Variants in AXDND1 observed in about 807,000 individuals in gnomAD.
The protein encoded by AXDND1 is axonemal dynein light chain domain-containing protein 1.
AXDND1 carries 110 observed loss-of-function variants against 137.5 expected under a neutral mutation model. The observed-to-expected ratio is 0.80, with a 90% CI of 0.69 to 0.94. The LOEUF is 0.94. Among genes scored for constraint, AXDND1 ranks in the 40% least tolerant of loss-of-function variants. AXDND1 has a pLI of 0.00. For missense variants in AXDND1, 1,191 were observed against 1,169.8 expected, an observed-to-expected ratio of 1.02 and a Z score of -0.26; for synonymous variants, 414 against 399.7, an observed-to-expected ratio of 1.04 and a Z score of -0.43.
At chr1:179,428,303 C>T (rs1656873431) in intron 12 of AXDND1, among the ~76,000 whole-genome samples, 1 of 152,186 alleles carries the variant, frequency 6.6e-6, no homozygotes, top group African/African-American at 2.4e-5. Flanking sequence ...AGAGCTGGCC[C>T]CTGGTAGAGG....
rs532736331 is a variant in AXDND1 at position 179,438,640 on chromosome 1, A to G, written c.1563+6298A>G. Among the ~76,000 whole-genome samples the G allele has an allele frequency of 7.9e-5, 12 of 152,366 alleles. No individual in the cohort carries two copies. In the East Asian group the frequency reaches 2.1e-3, roughly 27 times the overall value. ...AGGTGTGGCAGCCCAAGGCTCAGAC[A>G]GATTAACAGGAATCCGTAGCCCAGG... On this transcript the variant is annotated intron_variant, in intron 15 of 25. Coordinates refer to ENST00000367618, the MANE Select transcript of AXDND1 (RefSeq NM_144696.6).
intron 16 of AXDND1, among the ~76,000 whole-genome samples, chr1:179,462,908 G>A (rs6658930): frequency 0.063 from 9,566 of 152,086 alleles, 355 homozygotes; most frequent in African/African-American, 0.071. Flanking sequence ...GTTTATTTGC[G>A]TAGAGGTGTT....
intron 17 of AXDND1, among the ~76,000 whole-genome samples, chr1:179,480,741 A>G (rs369107384): frequency 6.6e-6 from 1 of 151,816 alleles, no homozygotes; most frequent in Non-Finnish European, 1.5e-5. Context: ...TCTTCCTTGT[A>G]TTAAGACTCT....
chr1:179,388,728 C>G (rs1367474454), intron 9 of AXDND1, among the ~76,000 whole-genome samples: 3 of 151,194 alleles, frequency 2.0e-5, no homozygotes, highest in Admixed American at 1.3e-4. Context: ...GCTGGGACTA[C>G]AGGCACACAC....
chr1:179,503,936 A>G (rs527481282), intron 20 of AXDND1, among the ~76,000 whole-genome samples: 1 of 152,348 alleles, frequency 6.6e-6, no homozygotes, highest in African/African-American at 2.4e-5. Flanking sequence ...TTTATTTCAC[A>G]TAGCTACTAA....
chr1:179,406,819 A>G (rs1231999572), intron 11 of AXDND1, among the ~76,000 whole-genome samples: 1 of 152,164 alleles, frequency 6.6e-6, no homozygotes, highest in Non-Finnish European at 1.5e-5. Flanking sequence ...GCCAATCTAT[A>G]TCTTTTACAT....
At chr1:179,554,460 T>G in intron 25 of AXDND1, 52 bp from the exon 26 acceptor site, 1 of 1,614,104 alleles carries the variant, frequency 6.2e-7, no homozygotes, top group East Asian at 2.2e-5. Flanking sequence ...TTCTTGCTAG[T>G]TAATTTCCTA....
At chr1:179,400,953 A>G (rs918351484) in intron 11 of AXDND1, among the ~76,000 whole-genome samples, 4 of 149,958 alleles carry the variant, frequency 2.7e-5, no homozygotes, top group African/African-American at 9.8e-5. Flanking sequence ...ACAGAAACAA[A>G]CAAATGATAA....
chr1:179,466,072 G>A (rs551229988), intron 16 of AXDND1, among the ~76,000 whole-genome samples: 1 of 152,178 alleles, frequency 6.6e-6, no homozygotes, highest in South Asian at 2.1e-4. Flanking sequence ...GCACTTCCCG[G>A]GTGAGGCAAT....
intron 15 of AXDND1, among the ~76,000 whole-genome samples, chr1:179,437,066 AC>A (rs1658263879): frequency 7.7e-6 from 1 of 129,542 alleles, no homozygotes; most frequent in Non-Finnish European, 1.6e-5. Flanking sequence ...AGAGACACTC[AC>A]TGAAAAAAAA....
chr1:179,386,552 A>C (rs1413600599), intron 9 of AXDND1, among the ~76,000 whole-genome samples: 1 of 152,070 alleles, frequency 6.6e-6, no homozygotes. Context: ...TTGTTTACAC[A>C]TGTATTAGGC....
At chr1:179,388,573 C>T (rs1649581582) in intron 9 of AXDND1, among the ~76,000 whole-genome samples, 1 of 150,488 alleles carries the variant, frequency 6.6e-6, no homozygotes, top group Non-Finnish European at 1.5e-5. Context: ...ATTAACTCAA[C>T]AATTATATTT....
intron 14 of AXDND1, among the ~76,000 whole-genome samples, 163 bp downstream of exon 14, chr1:179,430,769 C>T (rs11581470): frequency 0.33 from 50,305 of 152,088 alleles, 8,765 homozygotes; most frequent in Middle Eastern, 0.43. Flanking sequence ...CTTGAATAGT[C>T]CTGTGGTTTC....
At chr1:179,365,745 C>T (rs1220819028), upstream of AXDND1, 3 of 152,446 alleles carry the variant, frequency 2.0e-5, no homozygotes, top group African/African-American at 4.8e-5. Context: ...GGCAGGAAGC[C>T]CCGGCGTGAG....
chr1:179,421,792 C>A (rs1469513604), intron 12 of AXDND1, among the ~76,000 whole-genome samples: 1 of 151,670 alleles, frequency 6.6e-6, no homozygotes, highest in East Asian at 1.9e-4. Context: ...TATCGTAGCA[C>A]TTTGGGAGGT....
At chr1:179,380,992 T>C (rs1648173185) in intron 6 of AXDND1, among the ~76,000 whole-genome samples, 1 of 151,834 alleles carries the variant, frequency 6.6e-6, no homozygotes, top group Non-Finnish European at 1.5e-5. Flanking sequence ...TACTTTAGTG[T>C]GTATTTCCTA....
chr1:179,500,086 C>T (rs1281051266), intron 20 of AXDND1, among the ~76,000 whole-genome samples: 1 of 151,840 alleles, frequency 6.6e-6, no homozygotes, highest in Non-Finnish European at 1.5e-5. Flanking sequence ...AGGGATTGTT[C>T]AAGAAAGGGA....
chr1:179,401,093 T>C (rs1651961296), intron 11 of AXDND1, among the ~76,000 whole-genome samples: 1 of 150,164 alleles, frequency 6.7e-6, no homozygotes, highest in Non-Finnish European at 1.5e-5. Flanking sequence ...ACCCTTTCTT[T>C]ACTAAAAATA....
chr1:179,426,105 G>T (rs1001743105), intron 12 of AXDND1, among the ~76,000 whole-genome samples: 21 of 152,092 alleles, frequency 1.4e-4, no homozygotes, highest in Admixed American at 1.2e-3. Flanking sequence ...AAAGTGCTGG[G>T]ATTATAGGAC....
Sources: gnomAD v4.1 joint callset for allele counts (sites outside exome capture counted in the v4.1 genomes callset) on GRCh38, gnomAD v4.1.1 for gene constraint, MANE v1.5 for transcripts, NCBI Gene and HGNC (gene_info 2026-07-23, HGNC 2026-07-21) for gene names.